Variants in MYT1L observed in about 807,000 individuals in gnomAD.
MYT1L encodes myelin transcription factor 1 like.
In MYT1L, 12 loss-of-function variants were observed where a neutral mutation model predicts 126.7. The observed-to-expected ratio is 0.09, with a 90% CI of 0.06 to 0.15. The LOEUF is 0.15. Among genes scored for constraint, MYT1L ranks in the 10% least tolerant of loss-of-function variants. MYT1L has a pLI of 1.00. For missense variants in MYT1L, 979 were observed against 1,585.2 expected (o/e 0.62, Z 6.49); for synonymous variants, 541 against 604.2 (o/e 0.90, Z 1.53).
At chr2:2,181,175 T>C (rs1002725268) in intron 2 of MYT1L, among the ~76,000 whole-genome samples, 1 of 151,916 alleles carries the variant, frequency 6.6e-6, no homozygotes, top group African/African-American at 2.4e-5. Flanking sequence ...TGTGCACATG[T>C]ATCTGTACCT....
intron 2 of MYT1L, among the ~76,000 whole-genome samples, chr2:2,192,516 A>G (rs1198001841): frequency 2.6e-5 from 4 of 151,918 alleles, no homozygotes; most frequent in Non-Finnish European, 5.9e-5. Context: ...TAAACTTCCC[A>G]GTGCGTACAA....
In MYT1L at chr2:1,979,073, G is replaced by T; in HGVS notation, c.152+92C>A. ...AGGCATAATGTGTATTGCTTTCCAA[G>T]AACACCTGCTCACACAGTTCATCAT... On this transcript the variant is annotated intron_variant, in intron 8 of 24. Coordinates refer to ENST00000647738, the MANE Select transcript of MYT1L (RefSeq NM_001303052.2). This position sits in a 1 kb window ranked among gnomAD's most constrained non-coding sequence, Gnocchi z 4.0. 9.8e-7 allele frequency: 1 copy of T among 1,017,034 alleles called. No individual in the cohort carries two copies. 63.0% of individuals were successfully genotyped at this position (1,017,034 alleles called of 1,614,324 possible).
intron 1 of MYT1L, among the ~76,000 whole-genome samples, chr2:2,290,039 G>T (rs992969663): frequency 6.6e-6 from 1 of 152,228 alleles, no homozygotes; most frequent in Non-Finnish European, 1.5e-5. Flanking sequence ...GGGTATTTAT[G>T]TTCTGACACT....
intron 2 of MYT1L, among the ~76,000 whole-genome samples, chr2:2,190,555 TAAAAAAA>T (rs777939174): frequency 9.2e-5 from 10 of 108,440 alleles, no homozygotes; most frequent in South Asian, 6.4e-4. Context: ...CAAGACCTGT[TAAAAAAA>T]AAAAAAAAAA....
chr2:2,117,990 A>G (rs1419703258), intron 3 of MYT1L, among the ~76,000 whole-genome samples: 2 of 151,842 alleles, frequency 1.3e-5, no homozygotes, highest in African/African-American at 4.8e-5. Context: ...ATATATGTAC[A>G]AAAACACACA....
At chr2:2,293,249 G>C (rs1049828644) in intron 1 of MYT1L, among the ~76,000 whole-genome samples, 1 of 152,266 alleles carries the variant, frequency 6.6e-6, no homozygotes. Context: ...ATAAGAAAAA[G>C]AACAAGAACA....
chr2:1,956,049 GTATC>G (rs61277755), intron 8 of MYT1L, among the ~76,000 whole-genome samples: 25,628 of 151,766 alleles, frequency 0.17, 2,854 homozygotes, highest in East Asian at 0.31. Flanking sequence ...ATGTATCTAT[GTATC>G]TATCTATCTA....
At chr2:2,272,142 G>A (rs986556189) in intron 2 of MYT1L, among the ~76,000 whole-genome samples, 1 of 151,764 alleles carries the variant, frequency 6.6e-6, no homozygotes, top group Admixed American at 6.6e-5. Context: ...CTTCCCTCCT[G>A]CCCTGCCTGA....
At chr2:2,300,599 T>G (rs980461888) in intron 1 of MYT1L, among the ~76,000 whole-genome samples, 2 of 152,218 alleles carry the variant, frequency 1.3e-5, no homozygotes, top group African/African-American at 4.8e-5. Flanking sequence ...CCAATGATAA[T>G]AGTAACACTG....
intron 4 of MYT1L, among the ~76,000 whole-genome samples, chr2:2,046,510 C>T (rs1033665709): frequency 6.6e-6 from 1 of 152,166 alleles, no homozygotes; most frequent in Non-Finnish European, 1.5e-5. Context: ...AAAATGCTTG[C>T]TAAGTGACAA....
At chr2:2,142,642 C>G (rs186855085) in intron 3 of MYT1L, among the ~76,000 whole-genome samples, 40 of 152,226 alleles carry the variant, frequency 2.6e-4, no homozygotes, top group African/African-American at 9.1e-4. Flanking sequence ...GTTCCCACTG[C>G]CTTGTGAGCT....
chr2:2,230,987 A>G (rs1472583342), intron 2 of MYT1L, among the ~76,000 whole-genome samples: 2 of 152,186 alleles, frequency 1.3e-5, no homozygotes, highest in African/African-American at 4.8e-5. Context: ...GACAGACCAC[A>G]CGACCATCAG....
Position 1,910,171 on chromosome 2 carries a change from TC to T in MYT1L, c.1817+68del. ...TGTAGGGACATGCCCTGAGCGGGTG[TC>T]CCCAGCGCTCCGAGGTGTGGGGCAG... On this transcript the variant is annotated intron_variant, in intron 13 of 24. Transcript: ENST00000647738. This position sits in a 1 kb window ranked among gnomAD's most constrained non-coding sequence, Gnocchi z 4.8. The T allele has an allele frequency of 7.2e-7, 1 of 1,390,506 alleles. No individual in the cohort carries two copies. The highest frequency in any genetic ancestry group is 1.0e-6 in the Non-Finnish European group (1 of 992,502). The allele number at this position is 1,390,506 out of a possible 1,614,324, so 86.1% of individuals were successfully genotyped here.
chr2:1,983,844 C>T (rs949094035), intron 5 of MYT1L, among the ~76,000 whole-genome samples: 1 of 152,158 alleles, frequency 6.6e-6, no homozygotes, highest in African/African-American at 2.4e-5. Context: ...GAAAGTTCAC[C>T]TCAGTTATCA....
At chr2:2,264,953 G>A (rs550510668) in intron 2 of MYT1L, among the ~76,000 whole-genome samples, 3 of 152,292 alleles carry the variant, frequency 2.0e-5, no homozygotes, top group African/African-American at 7.2e-5. Flanking sequence ...TGGAGGCAGC[G>A]AGACTTGGGT....
chr2:2,139,423 T>C (rs2083595952), intron 3 of MYT1L, among the ~76,000 whole-genome samples: 3 of 151,544 alleles, frequency 2.0e-5, no homozygotes, highest in African/African-American at 4.9e-5. Context: ...AGTTCAAGAC[T>C]AGCCTGGCCA....
In MYT1L at chr2:1,806,062, T is replaced by C. The variant is rs1308590940; in HGVS notation, c.3172+3014A>G. On this transcript the variant is annotated intron_variant, in intron 22 of 24. Coordinates refer to ENST00000647738, the MANE Select transcript of MYT1L (RefSeq NM_001303052.2). This position sits in a 1 kb window ranked among gnomAD's most constrained non-coding sequence, Gnocchi z 4.9. ...CCCCTGAAGAGCCGCAGGAATTGGA[T>C]GCTGTGCCTCTGTCCCCTGATGAGC... Among the ~76,000 whole-genome samples, 2 of 148,838 alleles carry C rather than the reference T, an allele frequency of 1.3e-5. No individual in the cohort carries two copies. The highest frequency in any genetic ancestry group is 4.9e-5 in the African/African-American group (2 of 40,934).
intron 4 of MYT1L, among the ~76,000 whole-genome samples, chr2:2,033,512 G>T (rs1251302169): frequency 2.0e-5 from 3 of 152,162 alleles, no homozygotes; most frequent in African/African-American, 7.2e-5. Context: ...CTGGGGGCAC[G>T]CCAGGTTAGT....
intron 4 of MYT1L, among the ~76,000 whole-genome samples, chr2:2,032,057 T>C (rs1248504723): frequency 2.2e-5 from 3 of 137,336 alleles, no homozygotes; most frequent in South Asian, 2.5e-4. Flanking sequence ...TCTCATCCTG[T>C]GGCCCAGAGC....
Sources: gnomAD v4.1 joint callset for allele counts (sites outside exome capture counted in the v4.1 genomes callset) on GRCh38, gnomAD v4.1.1 for gene constraint, Gnocchi (gnomAD v3.1) non-coding constraint, MANE v1.5 for transcripts, NCBI Gene and HGNC (gene_info 2026-07-23, HGNC 2026-07-21) for gene names.